Variants in ARID1A observed in about 807,000 individuals in gnomAD.
ARID1A encodes the protein AT-rich interaction domain 1A.
ARID1A carries 20 observed loss-of-function variants against 212.6 expected under a neutral mutation model. The ratio of observed to expected loss-of-function variants is 0.09; its 90% CI spans 0.07 to 0.14. The LOEUF is 0.14. ARID1A is among the 10% of genes least tolerant of loss of function. The probability of loss-of-function intolerance (pLI) is 1.00; values close to 1 mark genes in which losing one functional copy is unlikely to be tolerated. For missense variants in ARID1A, 2,587 were observed against 3,059.0 expected (o/e 0.85, Z 3.64); for synonymous variants, 1,376 against 1,222.1 (o/e 1.13, Z -2.63).
chr1:26,771,705 TC>T lies in ARID1A; in HGVS notation c.3406+383del, dbSNP rs1295100119. 2 of 230,806 alleles carry T rather than the reference TC, an allele frequency of 8.7e-6. No individual in the cohort carries two copies. The highest frequency in any genetic ancestry group is 1.7e-5 in the Non-Finnish European group (2 of 115,834). 14.3% of individuals were successfully genotyped at this position (230,806 alleles called of 1,614,324 possible). ...TGCAGCTCAGACTAGAGCCCTGAAT[TC>T]CCCAGGGAGCTGAGATGGTAATGAA... On this transcript the variant is annotated intron_variant, in intron 12 of 19. Transcript: ENST00000324856. This position sits in a 1 kb window ranked among gnomAD's most constrained non-coding sequence, Gnocchi z 5.4.
rs2124059111 is a variant in ARID1A, at chr1:26,761,384, G to A, written c.2162G>A (p.Gly721Asp). The change falls in exon 6 of 20, where the codon GGC becomes GAC. Residue 721 changes from glycine (G) to aspartate (D), a missense_variant and splice_region_variant. By Grantham distance (94) the Gly-to-Asp change is moderately conservative (BLOSUM62 -1). Transcript: ENST00000324856. Reference sequence around the variant, plus strand: ...TTATGTTGTTCTTTGTCTGGAGCAGGCAACCAGATGCCACCTCGGCCACCC... The same window carrying A: ...TTATGTTGTTCTTTGTCTGGAGCAGACAACCAGATGCCACCTCGGCCACCC... The part of the protein sequence containing the change: ...SGPLSPAAVP[G>D]NQMPPRPPSG... 1 of 1,614,166 alleles carries A rather than the reference G, an allele frequency of 6.2e-7. No individual in the cohort carries two copies. The highest frequency in any genetic ancestry group is 8.5e-7 in the Non-Finnish European group (1 of 1,180,014).
At chr1:26,761,994 TG>T (rs1323987490) in intron 6 of ARID1A, among the ~76,000 whole-genome samples, 157 bp from the exon 7 acceptor site, 2 of 152,168 alleles carry the variant, frequency 1.3e-5, no homozygotes, top group Non-Finnish European at 2.9e-5. Flanking sequence ...ACTCTGAAGG[TG>T]CCTAAAATGA....
rs1057523568 is a variant in ARID1A at position 26,731,588 on chromosome 1, G to C, written c.1787G>C (p.Arg596Pro). 2 of 1,613,768 alleles carry C rather than the reference G, an allele frequency of 1.2e-6. No individual in the cohort carries two copies. Among genetic ancestry groups the C allele is most frequent in the Non-Finnish European group, 1.7e-6 (2 of 1,179,760 alleles). The change falls in exon 3 of 20, where the codon CGC (arginine) becomes CCC (proline). Residue 596 changes from arginine to proline, a missense_variant. By Grantham distance (103) the Arg-to-Pro change is moderately radical. This residue lies in a region of ARID1A where 674 missense variants were observed against 813.4 expected (regional missense o/e 0.83). Transcript: ENST00000324856. ...CAGCAAACTGCCTATTCCCAGCAGC[G>C]CTTCCCTCCACCGCAGGTAAGATAT... ...QSQQTAYSQQ[R>P]FPPPQELSQD...
intron 10 of ARID1A, 71 bp downstream of exon 10, chr1:26,766,637 AAG>A (rs2081042108): frequency 1.0e-5 from 15 of 1,435,010 alleles, no homozygotes; most frequent in Non-Finnish European, 1.3e-5. Context: ...GGAAAAAGAA[AAG>A]AGAGTGACAA....
chr1:26,736,795 G>A (rs1238131657), intron 4 of ARID1A, among the ~76,000 whole-genome samples: 6 of 149,192 alleles, frequency 4.0e-5, no homozygotes, highest in African/African-American at 9.9e-5. Context: ...CCATCTACTC[G>A]GGAGGCTGAG....
chr1:26,748,474 TA>T (rs2080856733), intron 4 of ARID1A, among the ~76,000 whole-genome samples: 1 of 152,086 alleles, frequency 6.6e-6, no homozygotes, highest in Admixed American at 6.6e-5. Flanking sequence ...TTTGAGAAAG[TA>T]GGGGGTTCCT....
chr1:26,754,693 C>T (rs951277435), intron 4 of ARID1A, among the ~76,000 whole-genome samples: 5 of 152,188 alleles, frequency 3.3e-5, no homozygotes, highest in Non-Finnish European at 5.9e-5. Context: ...AGTGTCACAA[C>T]ATAATGGAGA....
chr1:26,753,446 A>G (rs990419554), intron 4 of ARID1A, among the ~76,000 whole-genome samples: 8 of 152,238 alleles, frequency 5.3e-5, no homozygotes, highest in Non-Finnish European at 1.0e-4. Context: ...AACATTGGGC[A>G]GTATTTCAAC....
intron 1 of ARID1A, among the ~76,000 whole-genome samples, chr1:26,720,175 C>T (rs1334474321): frequency 6.6e-6 from 1 of 151,170 alleles, no homozygotes; most frequent in African/African-American, 2.4e-5. Context: ...TGCTTGAACC[C>T]GAGAGGCATA....
At chr1:26,755,634 A>G (rs1401121592) in intron 4 of ARID1A, among the ~76,000 whole-genome samples, 1 of 152,186 alleles carries the variant, frequency 6.6e-6, no homozygotes, top group African/African-American at 2.4e-5. Context: ...GACCAGGGGC[A>G]TTCTCCTTTT....
At chr1:26,778,383 T>C (rs1433705645) in intron 19 of ARID1A, 1 of 152,198 alleles carries the variant, frequency 6.6e-6, no homozygotes, top group Non-Finnish European at 1.5e-5. Context: ...AGATTGTGAC[T>C]GGAGAGGAGT....
intron 1 of ARID1A, among the ~76,000 whole-genome samples, chr1:26,710,528 C>CACACACACA (rs1553147494): frequency 9.4e-5 from 14 of 148,306 alleles, no homozygotes; most frequent in East Asian, 4.0e-4. Flanking sequence ...CACACACACA[C>CACACACACA]CACTTGTTGT....
Position 26,781,893 on chromosome 1 carries a change from C to T in ARID1A, c.*1137C>T, listed in dbSNP as rs544354417. Reference sequence around the variant, plus strand: ...TTTCTAATCGAGGTGTGAAAAAGTTCTAGGTTCAGTTGAAGTTCTGATGAA... The same window carrying T: ...TTTCTAATCGAGGTGTGAAAAAGTTTTAGGTTCAGTTGAAGTTCTGATGAA... On this transcript the variant is annotated 3_prime_UTR_variant, in exon 20 of 20. Coordinates refer to ENST00000324856, the MANE Select transcript of ARID1A (RefSeq NM_006015.6). The T allele has an allele frequency of 1.5e-4, 34 of 233,572 alleles. No individual in the cohort carries two copies. The East Asian group carries it at 2.0e-3, about 14-fold the overall frequency. The allele number at this position is 233,572 out of a possible 1,614,324, so 14.5% of individuals were successfully genotyped here.
In ARID1A at chr1:26,751,893, A is replaced by T. The variant is rs182265192; in HGVS notation, c.1921-8963A>T. 2.2e-4 allele frequency among the ~76,000 whole-genome samples: 34 copies of T among 152,308 alleles called. 1 individual carries two copies. Among genetic ancestry groups the T allele is most frequent in the Admixed American group, 2.1e-3 (32 of 15,302 alleles). On this transcript the variant is annotated intron_variant, in intron 4 of 19. Transcript: ENST00000324856. ...CTTCCCCGTCAGGTGGCCAAAAGGT[A>T]TCAGGAAGAATGAATCATTATCTTC... is the stretch of plus-strand genomic sequence containing the variant.
intron 1 of ARID1A, among the ~76,000 whole-genome samples, 188 bp downstream of exon 1, chr1:26,697,728 C>T (rs917778658): frequency 1.3e-4 from 19 of 151,972 alleles, no homozygotes; most frequent in South Asian, 4.1e-4. Flanking sequence ...CCTCCTTCAG[C>T]CTTTGTGTTG....
chr1:26,724,992 A>T (rs1284793363), intron 1 of ARID1A, among the ~76,000 whole-genome samples: 1 of 151,294 alleles, frequency 6.6e-6, no homozygotes, highest in Non-Finnish European at 1.5e-5. Context: ...CCCCTTTTTT[A>T]TTTTTATTTT....
At chr1:26,755,994 C>T (rs1222456380) in intron 4 of ARID1A, among the ~76,000 whole-genome samples, 1 of 152,022 alleles carries the variant, frequency 6.6e-6, no homozygotes, top group Non-Finnish European at 1.5e-5. Flanking sequence ...CCTCCTGCCT[C>T]GGCCTCCCAA....
intron 1 of ARID1A, among the ~76,000 whole-genome samples, chr1:26,714,397 TTTTTG>T (rs1230527458): frequency 6.6e-6 from 1 of 151,514 alleles, no homozygotes; most frequent in Non-Finnish European, 1.5e-5. Flanking sequence ...TCTATAATCT[TTTTTG>T]TTTGTTTGTT....
At chr1:26,727,345 C>T (rs2080628476) in intron 1 of ARID1A, among the ~76,000 whole-genome samples, 1 of 152,058 alleles carries the variant, frequency 6.6e-6, no homozygotes, top group Admixed American at 6.5e-5. Context: ...ACAGCATTGT[C>T]CTAGAACTGC....
Sources: allele counts gnomAD v4.1 joint callset (sites outside exome capture counted in the v4.1 genomes callset), GRCh38; gene constraint gnomAD v4.1.1; regional missense constraint gnomAD v4.1.1; non-coding constraint Gnocchi (gnomAD v3.1); transcripts MANE v1.5; gene names NCBI Gene and HGNC (gene_info 2026-07-23, HGNC 2026-07-21).